Variants in NFIC observed in about 807,000 individuals in gnomAD.
The protein encoded by NFIC is nuclear factor I C.
A neutral mutation model predicts 54.4 loss-of-function variants in NFIC; 12 were observed. The ratio of observed to expected loss-of-function variants is 0.22; its 90% CI spans 0.14 to 0.36. The LOEUF is 0.36. NFIC is among the 10% of genes least tolerant of loss of function. The pLI is 1.00. For synonymous variants in NFIC, 322 were observed against 319.2 expected, an observed-to-expected ratio of 1.01 and a Z score of -0.09; for missense variants, 575 against 718.2, an observed-to-expected ratio of 0.80 and a Z score of 2.28.
In NFIC at chr19:3,381,395, C is replaced by CAAAA. The variant is rs71164686; in HGVS notation, c.31-300_31-297dup. ...TAGCGTTAAGAGCAAGACTCCGTCT[C>CAAAA]AAAAAAAAAAAAAAAAAAAATGATC... On this transcript the variant is annotated intron_variant, in intron 1 of 10. Transcript: ENST00000443272. Among the ~76,000 whole-genome samples the CAAAA allele has an allele frequency of 5.3e-3, 530 of 100,904 alleles. 7 individuals are homozygous for CAAAA. Among genetic ancestry groups the CAAAA allele is most frequent in the African/African-American group, 0.017 (457 of 27,070 alleles). The allele number at this position is 100,904 out of a possible 152,430, so 66.2% of individuals were successfully genotyped here.
At chr19:3,380,751 C>G (rs1359788613) in intron 1 of NFIC, among the ~76,000 whole-genome samples, 2 of 151,836 alleles carry the variant, frequency 1.3e-5, no homozygotes, top group Non-Finnish European at 2.9e-5. Context: ...CCCACCCCAG[C>G]CTCCCAACTA....
At chr19:3,397,320 G>A (rs896174861) in intron 2 of NFIC, among the ~76,000 whole-genome samples, 1 of 152,246 alleles carries the variant, frequency 6.6e-6, no homozygotes, top group African/African-American at 2.4e-5. Flanking sequence ...TAAAGGGGCT[G>A]TTTGGGGTAT....
chr19:3,376,763 T>C lies in NFIC; in HGVS notation c.31-4949T>C, dbSNP rs1207718151. The stretch of plus-strand genomic sequence containing the variant: ...TTTATTTTGAGACGGAGTCTCGCTC[T>C]TGTTGCCCAGGCTGGAGTGCAATGG... On this transcript the variant is annotated intron_variant, in intron 1 of 10. Coordinates refer to ENST00000443272, the MANE Select transcript of NFIC (RefSeq NM_001245002.2). 1.5e-4 allele frequency among the ~76,000 whole-genome samples: 23 copies of C among 152,146 alleles called. No individual in the cohort carries two copies. The South Asian group carries it at 2.7e-3, about 18-fold the overall frequency.
chr19:3,414,999 C>G (rs2081829918), intron 2 of NFIC, among the ~76,000 whole-genome samples: 1 of 151,964 alleles, frequency 6.6e-6, no homozygotes, highest in Non-Finnish European at 1.5e-5. Flanking sequence ...GCCGCCACAC[C>G]CGGCTAATTT....
chr19:3,430,287 A>G lies in NFIC; in HGVS notation c.635-3231A>G, dbSNP rs532078053. Among the ~76,000 whole-genome samples, 368 of 150,896 alleles carry G rather than the reference A, an allele frequency of 2.4e-3. 3 individuals are homozygous for G. The highest frequency in any genetic ancestry group is 7.6e-3 in the African/African-American group (313 of 41,006). On this transcript the variant is annotated intron_variant, in intron 3 of 10. Transcript: ENST00000443272. ...CCCCAGGCTGGAGTGCAGTGGCGCA[A>G]TCTCGGCTCACTGCAACCTCCACCT...
chr19:3,365,774 G>A (rs1488420007), upstream of NFIC, among the ~76,000 whole-genome samples: 1 of 152,126 alleles, frequency 6.6e-6, no homozygotes, highest in African/African-American at 2.4e-5. Flanking sequence ...CACAGGCGAG[G>A]CCACCCCTCC....
At position 3,429,250 on chromosome 19, in the gene NFIC, ATAT is replaced by A. The variant is rs1568443773; in HGVS notation, c.634+4074_634+4076del. On this transcript the variant is annotated intron_variant, in intron 3 of 10. Transcript: ENST00000443272. Reference sequence around the variant, plus strand: ...CTACCCCAAAAAAAAAAAAAAAAATATATACACACACACACACACACACACACA... The same window carrying A: ...CTACCCCAAAAAAAAAAAAAAAAATAACACACACACACACACACACACACA... Among the ~76,000 whole-genome samples the A allele has an allele frequency of 7.9e-3, 361 of 45,660 alleles. 38 individuals are homozygous for A. Among genetic ancestry groups the A allele is most frequent in the East Asian group, 0.057 (27 of 470 alleles). 30.0% of individuals were successfully genotyped at this position (45,660 alleles called of 152,430 possible).
intron 6 of NFIC, among the ~76,000 whole-genome samples, chr19:3,443,141 A>G (rs2082319108): frequency 6.6e-6 from 1 of 152,206 alleles, no homozygotes; most frequent in African/African-American, 2.4e-5. Flanking sequence ...AATTATGTAG[A>G]AAAAAATTGA....
At chr19:3,443,319 G>A (rs1171096088) in intron 6 of NFIC, among the ~76,000 whole-genome samples, 1 of 151,974 alleles carries the variant, frequency 6.6e-6, no homozygotes, top group South Asian at 2.1e-4. Context: ...CTACTCGAGA[G>A]GCTGAGGTTG....
At chr19:3,435,251 C>T (rs780854570) in intron 6 of NFIC, 44 bp downstream of exon 6, 2 of 1,518,578 alleles carry the variant, frequency 1.3e-6, no homozygotes, top group African/African-American at 2.8e-5. Flanking sequence ...CGGTCTGAGT[C>T]ACCGTGGCGG....
At chr19:3,446,309 C>T (rs2082373807) in intron 6 of NFIC, among the ~76,000 whole-genome samples, 1 of 152,136 alleles carries the variant, frequency 6.6e-6, no homozygotes, top group Non-Finnish European at 1.5e-5. Context: ...ATCCCCTAAC[C>T]CAGAGGGTCT....
At chr19:3,401,324 T>TG (rs2081551631) in intron 2 of NFIC, among the ~76,000 whole-genome samples, 1 of 151,466 alleles carries the variant, frequency 6.6e-6, no homozygotes, top group East Asian at 1.9e-4. Flanking sequence ...GGACAGACTG[T>TG]GGGGGGTGAG....
rs2145685730 is a variant in NFIC, at chr19:3,453,469, A to G, written c.1270-294A>G. On this transcript the variant is annotated intron_variant, in intron 8 of 10. Coordinates refer to ENST00000443272, the MANE Select transcript of NFIC (RefSeq NM_001245002.2). This position sits in a 1 kb window ranked among gnomAD's most constrained non-coding sequence, Gnocchi z 6.7. ...GAACCTGCTGTTAGGAGGCGGTGGCACTGTTTGGAAGGAAATCAGTCGAGT... is the reference window on the plus strand; with the variant it reads ...GAACCTGCTGTTAGGAGGCGGTGGCGCTGTTTGGAAGGAAATCAGTCGAGT... Among the ~76,000 whole-genome samples, 2 of 152,278 alleles carry G rather than the reference A, an allele frequency of 1.3e-5. No individual in the cohort carries two copies. The highest frequency in any genetic ancestry group is 6.8e-3 in the Middle Eastern group (2 of 294).
At chr19:3,376,854 G>C (rs924237309) in intron 1 of NFIC, among the ~76,000 whole-genome samples, 1 of 151,866 alleles carries the variant, frequency 6.6e-6, no homozygotes, top group South Asian at 2.1e-4. Flanking sequence ...TTAGCCTCCC[G>C]AGTAGCTGGG....
intron 7 of NFIC, among the ~76,000 whole-genome samples, chr19:3,450,341 T>A: frequency 1.1e-5 from 1 of 94,390 alleles, no homozygotes; most frequent in Non-Finnish European, 2.1e-5. Context: ...CGAGACTCCA[T>A]CTCAAAAAAA....
intron 3 of NFIC, among the ~76,000 whole-genome samples, chr19:3,432,820 G>A (rs1387986714): frequency 2.0e-5 from 3 of 149,054 alleles, no homozygotes; most frequent in Admixed American, 6.7e-5. Context: ...GACTACAGGC[G>A]CCTGCCACCA....
intron 2 of NFIC, among the ~76,000 whole-genome samples, chr19:3,395,321 T>C (rs2081444743): frequency 6.6e-6 from 1 of 151,832 alleles, no homozygotes; most frequent in Non-Finnish European, 1.5e-5. Flanking sequence ...ATCGCACCAC[T>C]GTACTCCAGC....
At chr19:3,406,652 G>A (rs2081654169) in intron 2 of NFIC, among the ~76,000 whole-genome samples, 1 of 152,198 alleles carries the variant, frequency 6.6e-6, no homozygotes, top group Non-Finnish European at 1.5e-5. Context: ...GGTTGGCACA[G>A]ATGCTGGCAC....
intron 3 of NFIC, among the ~76,000 whole-genome samples, chr19:3,426,149 G>A (rs1426184733): frequency 1.3e-5 from 2 of 150,498 alleles, no homozygotes; most frequent in Non-Finnish European, 3.0e-5. Context: ...TGGCCAGGCT[G>A]GTCTCAAACT....
Sources: allele counts gnomAD v4.1 joint callset (sites outside exome capture counted in the v4.1 genomes callset), GRCh38; gene constraint gnomAD v4.1.1; non-coding constraint Gnocchi (gnomAD v3.1); transcripts MANE v1.5; gene names NCBI Gene and HGNC (gene_info 2026-07-23, HGNC 2026-07-21).